The following AARSD1 variants were observed in gnomAD, a reference collection of about 807,000 sequenced individuals.
The protein encoded by AARSD1 is alanyl-tRNA synthetase domain containing 1.
A neutral mutation model predicts 48.7 loss-of-function variants in AARSD1; 44 were observed. The observed-to-expected ratio is 0.90, with a 90% confidence interval of 0.71 to 1.16. The LOEUF (loss-of-function observed/expected upper bound fraction) is 1.16. Among genes scored for constraint, AARSD1 ranks in the 50% most tolerant of loss-of-function variants. The pLI is 0.00. For synonymous variants in AARSD1, 189 were observed against 194.9 expected, an observed-to-expected ratio of 0.97 and a Z score of 0.25; for missense variants, 511 against 523.1, an observed-to-expected ratio of 0.98 and a Z score of 0.23.
chr17:42,951,725 C>G, intron 11 of AARSD1, 75 bp downstream of exon 11: 6 of 1,520,204 alleles, frequency 3.9e-6, no homozygotes, highest in Non-Finnish European at 5.4e-6. Context: ...TGTGATGGTC[C>G]TTTGACTCAG....
At chr17:42,954,993 G>C (rs1174942628) in intron 8 of AARSD1, 26 bp from the exon 9 acceptor site, 1 of 1,613,948 alleles carries the variant, frequency 6.2e-7, no homozygotes. Flanking sequence ...TAACTCAGTA[G>C]ATAAATGGAA....
chr17:42,954,699 C>G (rs1431259076), intron 9 of AARSD1, 177 bp downstream of exon 9: 2 of 571,348 alleles, frequency 3.5e-6, no homozygotes, highest in Non-Finnish European at 5.9e-6. Context: ...TCCCAAAGTG[C>G]TGGGATTACA....
At chr17:42,952,184 A>C (rs1041423472) in intron 10 of AARSD1, 1 of 401,096 alleles carries the variant, frequency 2.5e-6, no homozygotes, top group Non-Finnish European at 4.6e-6. Context: ...ACTTTTCCCC[A>C]CCACACATCC....
chr17:42,951,879 A>G lies in AARSD1; in HGVS notation c.1024T>C (p.Leu342=). Residue 342 remains leucine, a synonymous_variant, in exon 11 of 12, where the codon TTA becomes CTA. Coordinates refer to ENST00000427569, the MANE Select transcript of AARSD1 (RefSeq NM_001261434.2). ...CCACCTTTCTCATCGCCCACAGTTA[A>G]GAACAGGAGGGTCTCCTAGGAGGTA... ...EIGSEETLLF[L]TVGDEKGGGL... 5 of 1,614,098 alleles carry G rather than the reference A, an allele frequency of 3.1e-6. No individual in the cohort carries two copies. The highest frequency in any genetic ancestry group is 3.4e-6 in the Non-Finnish European group (4 of 1,179,956).
In AARSD1 at chr17:42,950,637, C is replaced by A. The variant is rs1178537937; in HGVS notation, c.1195G>T (p.Ala399Ser). The A allele has an allele frequency of 1.9e-6, 3 of 1,614,034 alleles. No individual in the cohort carries two copies. In the Admixed American group the frequency reaches 5.0e-5, roughly 27 times the overall value. The stretch of plus-strand genomic sequence containing the variant: ...GTGCTGATGTAGTCCTGGAGAAGCG[C>A]CTGCGCCTCCATCCGCCGGCTCATC... ...TKMSRRMEAQ[A>S]LLQDYISTQS... The change falls in exon 12 of 12, where the codon GCG (alanine) becomes TCG (serine). Residue 399 changes from alanine to serine, a missense_variant. Physicochemically the swap from Ala to Ser is moderately conservative, Grantham distance 99 (BLOSUM62 1). Transcript: ENST00000427569.
intron 3 of AARSD1, among the ~76,000 whole-genome samples, chr17:42,960,728 A>G (rs1356004246): frequency 6.6e-6 from 1 of 151,660 alleles, no homozygotes; most frequent in Non-Finnish European, 1.5e-5. Flanking sequence ...TGTCAAAAAA[A>G]AAAAAAAAAA....
At chr17:42,963,233 A>C (rs1179974625) in intron 2 of AARSD1, among the ~76,000 whole-genome samples, 1 of 150,296 alleles carries the variant, frequency 6.7e-6, no homozygotes, top group African/African-American at 2.4e-5. Context: ...GGGGCCTGCC[A>C]GTATGCCTGG....
In AARSD1 at chr17:42,956,418, G is replaced by C; in HGVS notation, c.532C>G (p.Pro178Ala). 1 of 1,613,998 alleles carries C rather than the reference G, an allele frequency of 6.2e-7. No individual in the cohort carries two copies. Among genetic ancestry groups the C allele is most frequent in the Non-Finnish European group, 8.5e-7 (1 of 1,179,994 alleles). Residue 178 changes from proline to alanine, a missense_variant, in exon 5 of 12, where the codon CCT (proline) becomes GCT (alanine). Transcript: ENST00000427569. The stretch of plus-strand genomic sequence containing the variant: ...TCTACCCTTACCTGCTCCACCTCAG[G>C]ATCATCCAGGCTCAGTTCTCGGACA... ...VNVRELSLDD[P>A]EVEQVSGRGL...
chr17:42,958,266 C>T (rs1268213566), intron 3 of AARSD1, among the ~76,000 whole-genome samples: 1 of 152,094 alleles, frequency 6.6e-6, no homozygotes, highest in Admixed American at 6.6e-5. Flanking sequence ...CTTTGAGAGG[C>T]CAAGGCAAGT....
In AARSD1 at chr17:42,955,185, G is replaced by C. The variant is rs1364383117; in HGVS notation, c.834C>G (p.Leu278=). The C allele has an allele frequency of 6.2e-7, 1 of 1,614,030 alleles. No homozygotes were observed. The highest frequency in any genetic ancestry group is 8.5e-7 in the Non-Finnish European group (1 of 1,180,016). Residue 278 remains leucine (L), a synonymous_variant, in exon 8 of 12, where the codon CTC becomes CTG. Coordinates refer to ENST00000427569, the MANE Select transcript of AARSD1 (RefSeq NM_001261434.2). ...AEDHVEAVKK[L]QNSTKILQKN... is the part of the protein sequence containing the mutation. ...TCTGCAGGATCTTGGTGGAGTTCTG[G>C]AGCTTTTTCACTGCTTCCACATGAT...
rs543512368 is a variant in AARSD1, at chr17:42,955,037, C to T, written c.862-70G>A. 5.6e-6 allele frequency: 9 copies of T among 1,610,188 alleles called. No homozygotes were observed. In the East Asian group the frequency reaches 1.8e-4, roughly 32 times the overall value. On this transcript the variant is annotated intron_variant, in intron 8 of 11. Transcript: ENST00000427569. ...AATAGAGAGTATCAGCTTCCCTCCACCTCATTCTCCCCTCACTCCCACTTT... is the reference window on the plus strand; with the variant it reads ...AATAGAGAGTATCAGCTTCCCTCCATCTCATTCTCCCCTCACTCCCACTTT...
At chr17:42,963,927 T>C (rs1046760921) in intron 2 of AARSD1, among the ~76,000 whole-genome samples, 179 bp downstream of exon 2, 2 of 152,226 alleles carry the variant, frequency 1.3e-5, no homozygotes, top group African/African-American at 4.8e-5. Context: ...TGGAATAATA[T>C]CTAGCATATG....
At chr17:42,960,351 CTGTT>C (rs745875413) in intron 3 of AARSD1, among the ~76,000 whole-genome samples, 1 of 151,870 alleles carries the variant, frequency 6.6e-6, no homozygotes, top group Non-Finnish European at 1.5e-5. Context: ...AATTAGGAAA[CTGTT>C]AGAGAGGTCC....
chr17:42,963,225 G>T (rs8070742), intron 2 of AARSD1, among the ~76,000 whole-genome samples: 22 of 151,164 alleles, frequency 1.5e-4, no homozygotes, highest in Admixed American at 9.9e-4. Context: ...GGACTACAGG[G>T]GCCTGCCAGT....
intron 2 of AARSD1, among the ~76,000 whole-genome samples, chr17:42,962,019 G>A (rs1472054003): frequency 8.0e-5 from 12 of 150,026 alleles, no homozygotes; most frequent in Non-Finnish European, 3.0e-5. Flanking sequence ...AAAAAAAAAA[G>A]GGCCAGGTAC....
At chr17:42,952,375 G>A (rs1356556978) in intron 10 of AARSD1, among the ~76,000 whole-genome samples, 3 of 152,048 alleles carry the variant, frequency 2.0e-5, no homozygotes, top group African/African-American at 4.8e-5. Flanking sequence ...TATAAATGTC[G>A]ACATACATAT....
At chr17:42,951,744 T>A in intron 11 of AARSD1, 56 bp downstream of exon 11, 2 of 1,576,066 alleles carry the variant, frequency 1.3e-6, no homozygotes, top group East Asian at 2.2e-5. Context: ...AGTAAAGGAA[T>A]GTATTTGTAG....
chr17:42,956,704 G>A, intron 4 of AARSD1, 144 bp from the exon 5 acceptor site: 1 of 1,081,628 alleles, frequency 9.2e-7, no homozygotes, highest in Non-Finnish European at 1.2e-6. Flanking sequence ...GTCTCGCTCT[G>A]TCGCCCAGGC....
At chr17:42,955,772 C>T in intron 7 of AARSD1, 70 bp downstream of exon 7, 1 of 1,600,354 alleles carries the variant, frequency 6.2e-7, no homozygotes. Context: ...CATCTTATCT[C>T]CCAGAGGTAA....
Sources: allele counts gnomAD v4.1 joint callset (sites outside exome capture counted in the v4.1 genomes callset), GRCh38; gene constraint gnomAD v4.1.1; transcripts MANE v1.5; gene names NCBI Gene and HGNC (gene_info 2026-07-23, HGNC 2026-07-21).